Variants in CTNNA3 observed in about 807,000 individuals in gnomAD.
CTNNA3 encodes catenin alpha 3.
Under a neutral mutation model 95.7 loss-of-function variants are expected in CTNNA3, and 76 were observed. That is an observed-to-expected ratio of 0.79 (90% CI 0.66 to 0.96). The LOEUF is 0.96. CTNNA3 is among the 40% of genes least tolerant of loss of function. The pLI, the probability that CTNNA3 is intolerant of heterozygous loss-of-function variation, is 0.00. For synonymous variants in CTNNA3, 431 were observed against 374.4 expected (o/e 1.15, Z -1.74); for missense variants, 1,191 against 1,089.8 (o/e 1.09, Z -1.31).
intron 13 of CTNNA3, among the ~76,000 whole-genome samples, chr10:66,120,984 G>A (rs1480442881): frequency 6.6e-6 from 1 of 152,054 alleles, no homozygotes; most frequent in Non-Finnish European, 1.5e-5. Flanking sequence ...GAAGGCCAAT[G>A]GTTTTCATAC....
chr10:67,162,773 A>G (rs1467580325), intron 7 of CTNNA3, among the ~76,000 whole-genome samples: 2 of 151,942 alleles, frequency 1.3e-5, no homozygotes, highest in Non-Finnish European at 2.9e-5. Flanking sequence ...CAAAAATAAA[A>G]GAGAAGATAC....
chr10:66,481,472 T>TGA (rs1421312550), intron 11 of CTNNA3, among the ~76,000 whole-genome samples: 16 of 115,186 alleles, frequency 1.4e-4, no homozygotes, highest in African/African-American at 4.2e-4. Flanking sequence ...TTTTTTTTTT[T>TGA]TTTTTTTTTT....
chr10:66,193,833 T>C (rs916974229), intron 13 of CTNNA3, among the ~76,000 whole-genome samples: 1 of 152,140 alleles, frequency 6.6e-6, no homozygotes, highest in African/African-American at 2.4e-5. Context: ...CTCTTGTGAG[T>C]GCATAATACT....
intron 2 of CTNNA3, among the ~76,000 whole-genome samples, chr10:67,616,032 G>A (rs1485368920): frequency 2.0e-5 from 3 of 152,162 alleles, no homozygotes; most frequent in Non-Finnish European, 2.9e-5. Flanking sequence ...TGAAAGAGAA[G>A]AGCTAGTTTA....
chr10:66,407,396 A>G (rs16923016), intron 11 of CTNNA3, among the ~76,000 whole-genome samples: 19,263 of 151,506 alleles, frequency 0.13, 1,621 homozygotes, highest in African/African-American at 0.23. Context: ...AATATCACAT[A>G]CTATAGGAGA....
intron 5 of CTNNA3, among the ~76,000 whole-genome samples, chr10:67,408,854 TC>T (rs779670470): frequency 4.5e-4 from 47 of 105,278 alleles, no homozygotes; most frequent in Admixed American, 8.9e-4. Flanking sequence ...AGGTCTAATA[TC>T]CAGCATTTAA....
At chr10:66,176,900 G>C (rs1319954151) in intron 13 of CTNNA3, among the ~76,000 whole-genome samples, 2 of 151,942 alleles carry the variant, frequency 1.3e-5, no homozygotes, top group African/African-American at 4.8e-5. Flanking sequence ...CTGACCTCAT[G>C]ATTGTGAAAT....
intron 12 of CTNNA3, among the ~76,000 whole-genome samples, chr10:66,356,643 A>C (rs1203196225): frequency 6.6e-6 from 1 of 151,962 alleles, no homozygotes; most frequent in African/African-American, 2.4e-5. Context: ...CTTTAATGTA[A>C]TGTTAAAAAG....
chr10:66,057,509 C>G (rs2133558906), intron 15 of CTNNA3, among the ~76,000 whole-genome samples: 1 of 152,248 alleles, frequency 6.6e-6, no homozygotes, highest in East Asian at 1.9e-4. Flanking sequence ...AGCAATCATC[C>G]TGTACATTTT....
At chr10:66,477,031 T>A (rs1226373190) in intron 11 of CTNNA3, among the ~76,000 whole-genome samples, 2 of 152,160 alleles carry the variant, frequency 1.3e-5, no homozygotes, top group Non-Finnish European at 2.9e-5. Flanking sequence ...TAGTCTGATA[T>A]TTTATTACAA....
intron 9 of CTNNA3, among the ~76,000 whole-genome samples, chr10:66,725,064 T>A (rs1309118780): frequency 1.3e-5 from 2 of 152,156 alleles, no homozygotes; most frequent in African/African-American, 2.4e-5. Context: ...AGATTACTTA[T>A]AATTTATAAC....
intron 7 of CTNNA3, among the ~76,000 whole-genome samples, chr10:66,821,242 G>A (rs1842295309): frequency 6.6e-6 from 1 of 152,102 alleles, no homozygotes; most frequent in Non-Finnish European, 1.5e-5. Flanking sequence ...GAAAGATATA[G>A]ATTTGACAGT....
intron 14 of CTNNA3, among the ~76,000 whole-genome samples, chr10:66,084,105 A>G (rs533774964): frequency 2.0e-5 from 3 of 149,526 alleles, no homozygotes; most frequent in East Asian, 4.0e-4. Flanking sequence ...ATTGCACTCC[A>G]GCATGGGTAA....
intron 13 of CTNNA3, among the ~76,000 whole-genome samples, chr10:66,164,622 A>G (rs2085028972): frequency 6.6e-6 from 1 of 152,114 alleles, no homozygotes; most frequent in South Asian, 2.1e-4. Flanking sequence ...AATAATCCCA[A>G]CGTGAACTAG....
intron 11 of CTNNA3, among the ~76,000 whole-genome samples, chr10:66,395,058 T>G (rs1246282045): frequency 6.6e-6 from 1 of 152,006 alleles, no homozygotes. Flanking sequence ...AGCTCAATTA[T>G]CTTTACTACC....
intron 10 of CTNNA3, among the ~76,000 whole-genome samples, chr10:66,576,538 A>G (rs1324416006): frequency 1.3e-5 from 2 of 151,932 alleles, no homozygotes; most frequent in African/African-American, 4.8e-5. Context: ...GTGTCCATTT[A>G]TATTCAATGT....
At chr10:66,736,243 T>A (rs1849136012) in intron 9 of CTNNA3, among the ~76,000 whole-genome samples, 1 of 151,938 alleles carries the variant, frequency 6.6e-6, no homozygotes, top group Admixed American at 6.6e-5. Flanking sequence ...TGGAGTGCAG[T>A]GGTGCCATCT....
intron 11 of CTNNA3, among the ~76,000 whole-genome samples, chr10:66,498,923 G>A (rs147750767): frequency 3.3e-5 from 5 of 152,230 alleles, no homozygotes; most frequent in East Asian, 1.9e-4. Flanking sequence ...CACTTTGGAC[G>A]TTACTCCTGT....
chr10:66,398,316 A>G (rs2132550678), intron 11 of CTNNA3, among the ~76,000 whole-genome samples: 1 of 152,010 alleles, frequency 6.6e-6, no homozygotes, highest in Admixed American at 6.6e-5. Context: ...CTTATTTCCT[A>G]ATTATGTGCT....
Sources: allele counts gnomAD v4.1 joint callset (sites outside exome capture counted in the v4.1 genomes callset), GRCh38; gene constraint gnomAD v4.1.1; transcripts MANE v1.5; gene names NCBI Gene and HGNC (gene_info 2026-07-23, HGNC 2026-07-21).